Variants in SBF2 observed in about 807,000 individuals in gnomAD.
SBF2 encodes the protein SET binding factor 2.
A neutral mutation model predicts 225.2 loss-of-function variants in SBF2; 112 were observed. The ratio of observed to expected loss-of-function variants is 0.50; its 90% CI spans 0.43 to 0.58. The LOEUF (loss-of-function observed/expected upper bound fraction) is 0.58, where lower values mean the gene tolerates loss of function less well. Among genes scored for constraint, SBF2 ranks in the 20% least tolerant of loss-of-function variants. The probability of loss-of-function intolerance (pLI) is 0.00; values close to 1 mark genes in which losing one functional copy is unlikely to be tolerated. For synonymous variants in SBF2, 763 were observed against 773.3 expected, an observed-to-expected ratio of 0.99 and a Z score of 0.22; for missense variants, 1,996 against 2,206.2, an observed-to-expected ratio of 0.90 and a Z score of 1.91.
chr11:10,251,010 AT>A (rs1960286588), intron 1 of SBF2, among the ~76,000 whole-genome samples: 1 of 152,108 alleles, frequency 6.6e-6, no homozygotes, highest in African/African-American at 2.4e-5. Flanking sequence ...ATCTTCGAAT[AT>A]TTTTTCCTTA....
At chr11:9,850,902 G>A (rs1186443444) in intron 21 of SBF2, among the ~76,000 whole-genome samples, 11 of 152,274 alleles carry the variant, frequency 7.2e-5, no homozygotes, top group African/African-American at 2.6e-4. Context: ...TTGGGAGGTT[G>A]AGGCAGATGG....
chr11:10,002,141 T>C (rs1947994785), intron 7 of SBF2, among the ~76,000 whole-genome samples: 1 of 152,186 alleles, frequency 6.6e-6, no homozygotes, highest in Non-Finnish European at 1.5e-5. Context: ...CTCTACTGTA[T>C]TATTCTCAAG....
At chr11:9,922,327 G>A (rs760862889) in intron 16 of SBF2, among the ~76,000 whole-genome samples, 2 of 152,112 alleles carry the variant, frequency 1.3e-5, no homozygotes, top group African/African-American at 2.4e-5. Context: ...TGGACTGGAA[G>A]ATGAATAGTC....
intron 25 of SBF2, among the ~76,000 whole-genome samples, chr11:9,840,683 A>G (rs1036283740): frequency 1.3e-5 from 2 of 152,222 alleles, no homozygotes; most frequent in African/African-American, 4.8e-5. Flanking sequence ...TTCAGACTAT[A>G]AACTTTTATT....
At chr11:10,029,731 A>G (rs776551562) in intron 5 of SBF2, 34 bp downstream of exon 5, 1 of 1,274,494 alleles carries the variant, frequency 7.8e-7, no homozygotes. Flanking sequence ...GAAGAGGAAC[A>G]ATCCTTCTCC....
chr11:9,927,781 CAGAT>C (rs1426336637), intron 16 of SBF2, among the ~76,000 whole-genome samples: 3 of 152,078 alleles, frequency 2.0e-5, no homozygotes, highest in Non-Finnish European at 2.9e-5. Context: ...CTTTCATAAA[CAGAT>C]AAGAGAGTAT....
chr11:10,273,747 T>C (rs915795006), intron 1 of SBF2, among the ~76,000 whole-genome samples: 9 of 152,244 alleles, frequency 5.9e-5, no homozygotes, highest in Admixed American at 2.6e-4. Flanking sequence ...TCCTGAAGCA[T>C]AGCCCTGATA....
At chr11:10,073,198 T>A (rs1950962571) in intron 2 of SBF2, among the ~76,000 whole-genome samples, 1 of 152,166 alleles carries the variant, frequency 6.6e-6, no homozygotes, top group Admixed American at 6.5e-5. Flanking sequence ...AAGTAATCAA[T>A]AAAGGCTTAT....
intron 17 of SBF2, among the ~76,000 whole-genome samples, chr11:9,892,302 A>G (rs1234497066): frequency 6.6e-6 from 1 of 151,904 alleles, no homozygotes; most frequent in Non-Finnish European, 1.5e-5. Flanking sequence ...TATTTTTAGT[A>G]GAGATGGGGT....
chr11:10,004,918 A>ATG (rs1477148133), intron 6 of SBF2, among the ~76,000 whole-genome samples: 1 of 152,074 alleles, frequency 6.6e-6, no homozygotes, highest in Non-Finnish European at 1.5e-5. Flanking sequence ...GACCCAACCA[A>ATG]TGTACATCTT....
At chr11:10,174,544 C>T (rs951170021) in intron 2 of SBF2, among the ~76,000 whole-genome samples, 1 of 152,122 alleles carries the variant, frequency 6.6e-6, no homozygotes, top group Admixed American at 6.5e-5. Flanking sequence ...ACTGGTGTAC[C>T]TGAAAGTGAT....
chr11:9,805,443 A>C (rs1463534550), intron 32 of SBF2, among the ~76,000 whole-genome samples: 1 of 152,134 alleles, frequency 6.6e-6, no homozygotes, highest in Non-Finnish European at 1.5e-5. Flanking sequence ...TGTAGGACAG[A>C]CATTTGGGTT....
intron 32 of SBF2, among the ~76,000 whole-genome samples, chr11:9,797,972 CTGAA>C (rs567677083): frequency 1.1e-3 from 166 of 151,758 alleles, no homozygotes; most frequent in African/African-American, 3.4e-3. Flanking sequence ...GACCCTGTCT[CTGAA>C]TGAATGAATG....
chr11:10,155,935 G>A (rs552355351), intron 2 of SBF2, among the ~76,000 whole-genome samples: 3 of 152,352 alleles, frequency 2.0e-5, no homozygotes, highest in Non-Finnish European at 2.9e-5. Context: ...AGTCAGGGAC[G>A]TGTGGCTGGG....
At chr11:10,136,699 G>A (rs1954371774) in intron 2 of SBF2, among the ~76,000 whole-genome samples, 1 of 152,210 alleles carries the variant, frequency 6.6e-6, no homozygotes, top group Admixed American at 6.5e-5. Flanking sequence ...GGTAATTAAT[G>A]TCAAAAACTG....
intron 6 of SBF2, among the ~76,000 whole-genome samples, chr11:10,003,390 C>T (rs552209853): frequency 8.9e-5 from 13 of 145,868 alleles, no homozygotes; most frequent in South Asian, 2.1e-4. Flanking sequence ...TTTTTTGAGA[C>T]GGAGCCTTGC....
rs1947553452 is a variant in SBF2, at chr11:9,993,991, T to C, written c.983A>G (p.His328Arg). The change falls in exon 10 of 40, where the codon CAC becomes CGC. Residue 328 changes from histidine (H) to arginine (R), a missense_variant. Physicochemically the swap from His to Arg is conservative, Grantham distance 29. Coordinates refer to ENST00000256190, the MANE Select transcript of SBF2 (RefSeq NM_030962.4). ...QTQSALSLILHPDLEVADHAF... is the reference protein window; with the variant it reads ...QTQSALSLILRPDLEVADHAF... ...ATGATCTGCTACTTCCAAATCTGGG[T>C]GTAAAATCTAAAGCAAAAAAGTTTT... is the stretch of plus-strand genomic sequence containing the variant. The C allele has an allele frequency of 2.5e-6, 3 of 1,208,880 alleles. No homozygotes were observed. Among genetic ancestry groups the C allele is most frequent in the Middle Eastern group, 1.9e-4 (1 of 5,282 alleles). 74.9% of individuals were successfully genotyped at this position (1,208,880 alleles called of 1,614,324 possible).
At chr11:9,941,057 T>C (rs1222372138) in intron 16 of SBF2, among the ~76,000 whole-genome samples, 5 of 152,218 alleles carry the variant, frequency 3.3e-5, no homozygotes, top group African/African-American at 1.2e-4. Context: ...GGCTCATGCC[T>C]GTAATCCCAG....
At position 9,842,735 on chromosome 11, in the gene SBF2, C is replaced by T; in HGVS notation, c.3146G>A (p.Arg1049Lys). 1 of 1,614,136 alleles carries T rather than the reference C, an allele frequency of 6.2e-7. No homozygotes were observed. The highest frequency in any genetic ancestry group is 2.2e-5 in the East Asian group (1 of 44,880). The change falls in exon 25 of 40, where the codon AGG becomes AAG. Residue 1049 changes from arginine (R) to lysine (K), a missense_variant. Arg to Lys is a conservative substitution (Grantham distance 26, BLOSUM62 2). Coordinates refer to ENST00000256190, the MANE Select transcript of SBF2 (RefSeq NM_030962.4). The stretch of plus-strand genomic sequence containing the variant: ...CCGCCCAATTGTCATTTTCCCTGCC[C>T]TTTTGGCACCTTTCACAATTGTTTT... ...FSKTIVKGAK[R>K]AGKMTIGRQY...
Sources: allele counts gnomAD v4.1 joint callset (sites outside exome capture counted in the v4.1 genomes callset), GRCh38; gene constraint gnomAD v4.1.1; transcripts MANE v1.5; gene names NCBI Gene and HGNC (gene_info 2026-07-23, HGNC 2026-07-21).